ADARB1: variants seen among roughly 807,000 people sequenced by gnomAD.
ADARB1 encodes the protein double-stranded RNA-specific editase 1.
ADARB1 carries 10 observed loss-of-function variants against 52.4 expected under a neutral mutation model. The observed-to-expected ratio is 0.19, with a 90% CI of 0.12 to 0.32. The LOEUF is 0.32. Among genes scored for constraint, ADARB1 ranks in the 10% least tolerant of loss-of-function variants. The pLI is 1.00. For synonymous variants in ADARB1, 349 were observed against 371.1 expected, an observed-to-expected ratio of 0.94 and a Z score of 0.68; for missense variants, 643 against 922.3, an observed-to-expected ratio of 0.70 and a Z score of 3.92.
In ADARB1 at chr21:45,127,787, A is replaced by G. The variant is rs1028477653; in HGVS notation, c.-219-615A>G. Among the ~76,000 whole-genome samples, 4 of 152,140 alleles carry G rather than the reference A, an allele frequency of 2.6e-5. No homozygotes were observed. The East Asian group carries it at 7.8e-4, about 30-fold the overall frequency. On this transcript the variant is annotated intron_variant, in intron 1 of 10. Transcript: ENST00000348831. ...CATTGCAGACTTCCCCTTCTTTTGG[A>G]TATCAGTTTGCTTTTCAGGAAGAAA... is the stretch of plus-strand genomic sequence containing the variant.
At chr21:45,155,977 A>ATCATCAC (rs1278620478) in intron 2 of ADARB1, among the ~76,000 whole-genome samples, 5 of 1,270 alleles carry the variant, frequency 3.9e-3, no homozygotes, top group Non-Finnish European at 6.0e-3. Context: ...CCACCCACCC[A>ATCATCAC]CCATCACCCA....
chr21:45,075,552 C>T (rs140602347), intron 1 of ADARB1, among the ~76,000 whole-genome samples: 1,638 of 152,346 alleles, frequency 0.011, 8 homozygotes, highest in Middle Eastern at 0.02. Flanking sequence ...GCGTCTGCAG[C>T]GATCGGGAGC....
chr21:45,113,491 GTATA>G (rs757626683), intron 1 of ADARB1, among the ~76,000 whole-genome samples: 2 of 119,474 alleles, frequency 1.7e-5, no homozygotes, highest in Non-Finnish European at 3.6e-5. Context: ...GTGTGTGTGT[GTATA>G]TATGTGTGTG....
intron 1 of ADARB1, among the ~76,000 whole-genome samples, chr21:45,112,073 C>T (rs1313151840): frequency 6.6e-6 from 1 of 152,172 alleles, no homozygotes; most frequent in Admixed American, 6.5e-5. Flanking sequence ...TTCTCATGGA[C>T]CTGCTTACTA....
At chr21:45,183,998 T>C (rs2092013190) in intron 7 of ADARB1, among the ~76,000 whole-genome samples, 1 of 152,252 alleles carries the variant, frequency 6.6e-6, no homozygotes, top group Non-Finnish European at 1.5e-5. Context: ...TGTATCTACA[T>C]CCCTTCTCCC....
At chr21:45,125,304 C>T (rs927940090) in intron 1 of ADARB1, among the ~76,000 whole-genome samples, 8 of 152,200 alleles carry the variant, frequency 5.3e-5, no homozygotes, top group Non-Finnish European at 1.0e-4. Context: ...GCCAGGTAGC[C>T]TGAGTGTCTG....
chr21:45,182,589 A>G lies in ADARB1; in HGVS notation c.1083A>G (p.Thr361=), dbSNP rs746035393. ...VLAGVVMTTG[T]DVKDAKVISV... is the part of the protein sequence containing the mutation. The stretch of plus-strand genomic sequence containing the variant: ...GTCTCTTTTTTTTTTTTTCAGGCAC[A>G]GATGTTAAAGATGCCAAGGTGATAA... The change falls in exon 6 of 11, where the codon ACA becomes ACG. Residue 361 remains threonine (T), a synonymous_variant. Coordinates refer to ENST00000348831, the MANE Select transcript of ADARB1 (RefSeq NM_001112.4). The G allele has an allele frequency of 3.2e-6, 5 of 1,585,358 alleles. No individual in the cohort carries two copies. Among genetic ancestry groups the G allele is most frequent in the South Asian group, 2.4e-5 (2 of 84,378 alleles).
At position 45,074,764 on chromosome 21, in the gene ADARB1, AGGACCAG is replaced by A. The variant is rs1481774605; in HGVS notation, c.-247_-241del. On this transcript the variant is annotated 5_prime_UTR_variant, in exon 1 of 11. Transcript: ENST00000348831. The stretch of plus-strand genomic sequence containing the variant: ...GCCGAAGCGTGGGGCGCGCGTGCGG[AGGACCAG>A]GCGCGGCGCGGCTGCGGCTGAGGTG... 1.4e-5 allele frequency: 2 copies of A among 145,498 alleles called. No individual in the cohort carries two copies. The highest frequency in any genetic ancestry group is 5.0e-5 in the African/African-American group (2 of 40,126). The allele number at this position is 145,498 out of a possible 1,614,324, so 9.0% of individuals were successfully genotyped here.
chr21:45,109,916 T>C (rs1055542286), intron 1 of ADARB1, among the ~76,000 whole-genome samples: 2 of 152,166 alleles, frequency 1.3e-5, no homozygotes, highest in African/African-American at 4.8e-5. Context: ...CTCTCTCTTT[T>C]TGTCGCTATA....
At chr21:45,187,502 C>A (rs923678539) in intron 8 of ADARB1, among the ~76,000 whole-genome samples, 3 of 152,056 alleles carry the variant, frequency 2.0e-5, no homozygotes, top group Admixed American at 6.6e-5. Context: ...CCCTTTATTT[C>A]TTTTTCATGC....
At chr21:45,206,854 G>A (rs146637372) in intron 9 of ADARB1, among the ~76,000 whole-genome samples, 2 of 152,246 alleles carry the variant, frequency 1.3e-5, no homozygotes, top group African/African-American at 2.4e-5. Context: ...GATTACAGGC[G>A]TGAGCCACCG....
intron 1 of ADARB1, among the ~76,000 whole-genome samples, chr21:45,103,009 G>C (rs942913221): frequency 5.9e-5 from 9 of 152,150 alleles, no homozygotes; most frequent in African/African-American, 2.2e-4. Flanking sequence ...TTCACCTCTG[G>C]GGGCTTCATC....
At chr21:45,216,383 T>A (rs1210995069) in intron 9 of ADARB1, among the ~76,000 whole-genome samples, 1 of 152,194 alleles carries the variant, frequency 6.6e-6, no homozygotes, top group Non-Finnish European at 1.5e-5. Context: ...TGTAGTTTTT[T>A]AAGGTGCTAG....
chr21:45,193,544 A>G (rs1375604083), intron 8 of ADARB1, among the ~76,000 whole-genome samples: 3 of 152,238 alleles, frequency 2.0e-5, no homozygotes, highest in African/African-American at 7.2e-5. Context: ...AGCCAGTGCT[A>G]TAAGGTCCTA....
Position 45,079,882 on chromosome 21 carries a change from T to G in ADARB1, c.-220+5089T>G, listed in dbSNP as rs535421795. On this transcript the variant is annotated intron_variant, in intron 1 of 10. Transcript: ENST00000348831. ...TATTGCTGATCTATGAGGCATACAG[T>G]ATGGATACAGAGGAGCAGGAGATGA... 5.1e-4 allele frequency among the ~76,000 whole-genome samples: 77 copies of G among 152,232 alleles called. 1 individual carries two copies. Among genetic ancestry groups the G allele is most frequent in the African/African-American group, 1.8e-3 (75 of 41,526 alleles).
intron 8 of ADARB1, among the ~76,000 whole-genome samples, chr21:45,189,738 T>G (rs2092228083): frequency 6.6e-6 from 1 of 152,034 alleles, no homozygotes; most frequent in Non-Finnish European, 1.5e-5. Flanking sequence ...GGGTTGTTTT[T>G]TTTTTTTTTT....
At chr21:45,146,588 C>G in intron 2 of ADARB1, among the ~76,000 whole-genome samples, 1 of 152,188 alleles carries the variant, frequency 6.6e-6, no homozygotes, top group East Asian at 1.9e-4. Context: ...ACTAGAGAGA[C>G]TAAAGCCCAC....
intron 8 of ADARB1, among the ~76,000 whole-genome samples, chr21:45,196,822 A>G (rs1185302311): frequency 6.6e-6 from 1 of 152,214 alleles, no homozygotes; most frequent in Non-Finnish European, 1.5e-5. Context: ...GGCCAAACCA[A>G]ATGTTGACAG....
intron 1 of ADARB1, among the ~76,000 whole-genome samples, chr21:45,120,577 C>A (rs2088114980): frequency 6.6e-6 from 1 of 152,150 alleles, no homozygotes; most frequent in Non-Finnish European, 1.5e-5. Flanking sequence ...TGGTTCTGTT[C>A]ATGATGGCCT....
Sources: allele counts gnomAD v4.1 joint callset (sites outside exome capture counted in the v4.1 genomes callset), GRCh38; gene constraint gnomAD v4.1.1; transcripts MANE v1.5; gene names NCBI Gene and HGNC (gene_info 2026-07-23, HGNC 2026-07-21).